SLC49A3: variants seen among roughly 807,000 people sequenced by gnomAD.
SLC49A3 encodes solute carrier family 49 member A3.
Under a neutral mutation model 43.8 loss-of-function variants are expected in SLC49A3, and 50 were observed. The observed-to-expected ratio is 1.14, with a 90% CI of 0.91 to 1.45. The LOEUF is 1.45. Ranked by LOEUF, SLC49A3 falls within the 40% of genes most tolerant of loss-of-function variation. SLC49A3 has a pLI of 0.00. For synonymous variants in SLC49A3, 413 were observed against 352.0 expected (o/e 1.17, Z -1.94); for missense variants, 906 against 774.1 (o/e 1.17, Z -2.02).
At chr4:678,287 G>C, downstream of SLC49A3, 5 of 1,439,204 alleles carry the variant, frequency 3.5e-6, no homozygotes, top group Admixed American at 2.5e-5. Context: ...AGCAGGATGA[G>C]GGGGTTCCTG....
At chr4:689,488 C>T (rs1288675154), upstream of SLC49A3, 1 of 175,532 alleles carries the variant, frequency 5.7e-6, no homozygotes, top group African/African-American at 2.4e-5. Flanking sequence ...AAGCTCTGCA[C>T]TTCCTGAAGG....
rs758512330 is a variant in SLC49A3, at chr4:683,269, C to A, written c.1092G>T (p.Ala364=). ...CCCCCACGGGGAAGGAACACTCGAC[C>A]GCCAACTCCATGGCCACGGGGCCCA... ...FSVGPVAMEL[A]VECSFPVGEG... The change falls in exon 8 of 10, where the codon GCG becomes GCT. Residue 364 remains alanine (A), a synonymous_variant. Transcript: ENST00000322224. 2.5e-6 allele frequency: 4 copies of A among 1,612,786 alleles called. No individual in the cohort carries two copies. The South Asian group carries it at 3.3e-5, about 13-fold the overall frequency.
At position 685,364 on chromosome 4, in the gene SLC49A3, G is replaced by A. The variant is rs898175488; in HGVS notation, c.585+471C>T. ...GGGCACAGGAACAGAGACACGCACC[G>A]CACACACCACACACACTCAATACAC... On this transcript the variant is annotated intron_variant, in intron 4 of 9. Coordinates refer to ENST00000322224, the MANE Select transcript of SLC49A3 (RefSeq NM_032219.4). The surrounding 1 kb of genome is among the most constrained non-coding windows in gnomAD (Gnocchi z 4.3). Among the ~76,000 whole-genome samples the A allele has an allele frequency of 1.8e-4, 28 of 151,876 alleles. No individual in the cohort carries two copies. The highest frequency in any genetic ancestry group is 6.0e-4 in the African/African-American group (25 of 41,336).
In SLC49A3 at chr4:681,886, C is replaced by T. The variant is rs1739734319; in HGVS notation, c.*72G>A. On this transcript the variant is annotated 3_prime_UTR_variant, in exon 10 of 10. Coordinates refer to ENST00000322224, the MANE Select transcript of SLC49A3 (RefSeq NM_032219.4). Reference sequence around the variant, plus strand: ...CCCGCAAGGAGCCCTTTCGCCCCCGCCCGCAGGTGGACCAGATGTTCCAGT... The same window carrying T: ...CCCGCAAGGAGCCCTTTCGCCCCCGTCCGCAGGTGGACCAGATGTTCCAGT... 7.6e-7 allele frequency: 1 copy of T among 1,314,672 alleles called. No individual in the cohort carries two copies. 81.4% of individuals were successfully genotyped at this position (1,314,672 alleles called of 1,614,324 possible).
intron 1 of SLC49A3, among the ~76,000 whole-genome samples, chr4:688,654 G>A (rs1441353086): frequency 6.6e-6 from 1 of 152,192 alleles, no homozygotes; most frequent in East Asian, 1.9e-4. Context: ...CTGTCCTGGG[G>A]CTGGGAGGCG....
chr4:683,813 G>A lies in SLC49A3; in HGVS notation c.841-52C>T, dbSNP rs1340696850. On this transcript the variant is annotated intron_variant, in intron 6 of 9. Transcript: ENST00000322224. ...CCCCAAGAGGCCACCATTATCCTAGGTGCATGCCGTCAGGGCAGGGGGCTC... is the reference window on the plus strand; with the variant it reads ...CCCCAAGAGGCCACCATTATCCTAGATGCATGCCGTCAGGGCAGGGGGCTC... 8.5e-6 allele frequency: 13 copies of A among 1,522,586 alleles called. No individual in the cohort carries two copies. In the East Asian group the frequency reaches 2.5e-4, roughly 29 times the overall value. The allele number at this position is 1,522,586 out of a possible 1,614,324, so 94.3% of individuals were successfully genotyped here.
Position 686,156 on chromosome 4 carries a change from T to A in SLC49A3, c.441A>T (p.Pro147=), listed in dbSNP as rs1740974196. The part of the protein sequence containing the change: ...ALAQSLVIFS[P]AKLAALWFPE... ...GGAACCACAAGGCAGCCAGCTTGGC[T>A]GGAGAGAAGATGACCAGGCTCTGGG... The change falls in exon 3 of 10, where the codon CCA becomes CCT. Residue 147 remains proline (P), a synonymous_variant. Transcript: ENST00000322224. 6.2e-7 allele frequency: 1 copy of A among 1,613,178 alleles called. No individual in the cohort carries two copies. Among genetic ancestry groups the A allele is most frequent in the Admixed American group, 1.7e-5 (1 of 60,004 alleles).
chr4:683,181 G>A lies in SLC49A3; in HGVS notation c.1151+29C>T, dbSNP rs766082592. The A allele has an allele frequency of 7.4e-6, 12 of 1,612,426 alleles. No homozygotes were observed. In the African/African-American group the frequency reaches 9.3e-5, roughly 13 times the overall value. ...GGTGGAGCAAGGGGAGTATCTCTGG[G>A]GTTGCAGCAGGGGCAGATGGACACT... On this transcript the variant is annotated intron_variant, in intron 8 of 9. Transcript: ENST00000322224.
Position 682,393 on chromosome 4 carries a change from C to T in SLC49A3, c.1262-17G>A, listed in dbSNP as rs777086456. The T allele has an allele frequency of 7.5e-7, 1 of 1,327,962 alleles. No homozygotes were observed. The highest frequency in any genetic ancestry group is 9.7e-7 in the Non-Finnish European group (1 of 1,030,814). The allele number at this position is 1,327,962 out of a possible 1,614,324, so 82.3% of individuals were successfully genotyped here. On this transcript the variant is annotated splice_polypyrimidine_tract_variant and intron_variant, in intron 9 of 9. Transcript: ENST00000322224. The stretch of plus-strand genomic sequence containing the variant: ...GCAGAGACACTGGGGACACATAGCA[C>T]AGCTGTCCCCACAGCCAAGCCCAGG...
rs1469996708 is a variant in SLC49A3, at chr4:682,833, C to T, written c.1209G>A (p.Ser403=). ...GCTGGCAGGTGGACAAGGACGGCTC[C>T]GAGCGTCGCACAGTCAGTGCCGTCA... ...LAMTALTVRR[S]EPSLSTCQQG... is the part of the protein sequence containing the mutation. Residue 403 remains serine (S), a synonymous_variant, in exon 9 of 10, where the codon TCG becomes TCA. Coordinates refer to ENST00000322224, the MANE Select transcript of SLC49A3 (RefSeq NM_032219.4). 26 of 1,605,372 alleles carry T rather than the reference C, an allele frequency of 1.6e-5. No homozygotes were observed. Among genetic ancestry groups the T allele is most frequent in the South Asian group, 2.2e-5 (2 of 90,108 alleles).
At chr4:678,529 G>C (rs528153509), downstream of SLC49A3, 16 of 1,461,062 alleles carry the variant, frequency 1.1e-5, no homozygotes, top group South Asian at 1.4e-5. Flanking sequence ...CTCCTCAGCT[G>C]TCTGGCCCCC....
downstream of SLC49A3, chr4:677,005 G>A (rs1560151538): frequency 1.1e-6 from 1 of 870,702 alleles, no homozygotes; most frequent in Non-Finnish European, 1.4e-6. Context: ...ACATGCAAGT[G>A]GCACCTGTCT....
downstream of SLC49A3, chr4:678,578 T>A: frequency 6.5e-7 from 1 of 1,533,288 alleles, no homozygotes; most frequent in Non-Finnish European, 8.8e-7. Flanking sequence ...TCATCTGAGT[T>A]AAGTCTCTCA....
chr4:685,847 G>C lies in SLC49A3; in HGVS notation c.573C>G (p.Asp191Glu). 1 of 1,613,972 alleles carries C rather than the reference G, an allele frequency of 6.2e-7. No individual in the cohort carries two copies. The highest frequency in any genetic ancestry group is 1.1e-5 in the South Asian group (1 of 91,078). ...CATGACCCCTCACCATTAACGGAAT[G>C]TCCTCACCCTTCTTGACCAGCACAG... The part of the protein sequence containing the change: ...LSPVLVKKGE[D>E]IPLMLGVYTI... Residue 191 changes from aspartate to glutamate, a missense_variant, in exon 4 of 10, where the codon GAC (aspartate) becomes GAG (glutamate). Physicochemically the swap from Asp to Glu is conservative, Grantham distance 45 (BLOSUM62 2). Transcript: ENST00000322224. The surrounding 1 kb of genome is among the most constrained non-coding windows in gnomAD (Gnocchi z 4.3).
chr4:683,274 A>G lies in SLC49A3; in HGVS notation c.1087T>C (p.Leu363=), dbSNP rs1449586684. The G allele has an allele frequency of 1.3e-6, 2 of 1,566,054 alleles. No homozygotes were observed. The highest frequency in any genetic ancestry group is 2.3e-5 in the East Asian group (1 of 43,338). The change falls in exon 8 of 10, where the codon TTG becomes CTG. Residue 363 remains leucine, a synonymous_variant. Coordinates refer to ENST00000322224, the MANE Select transcript of SLC49A3 (RefSeq NM_032219.4). ...GFSVGPVAME[L]AVECSFPVGE... ...ACGGGGAAGGAACACTCGACCGCCA[A>G]CTCCATGGCCACGGGGCCCACCGAG...
chr4:688,829 A>T, intron 1 of SLC49A3, 164 bp downstream of exon 1: 2 of 1,189,344 alleles, frequency 1.7e-6, no homozygotes, highest in South Asian at 1.7e-5. Flanking sequence ...CACCTCCAGG[A>T]CAGACAGTGC....
At position 682,031 on chromosome 4, in the gene SLC49A3, C is replaced by T. The variant is rs919868704; in HGVS notation, c.1607G>A (p.Arg536Lys). Residue 536 changes from arginine (R) to lysine (K), a missense_variant, in exon 10 of 10, where the codon AGG becomes AAG. Arg to Lys is a conservative substitution (Grantham distance 26). Transcript: ENST00000322224. The stretch of plus-strand genomic sequence containing the variant: ...GTCAATAAACCTGGACGCTTGGACC[C>T]TGCCTGCGAGTCTGCCGGGGCGGGA... ...APSRPGRLAG[R>K]VQASRFIDPA... 2.1e-6 allele frequency: 3 copies of T among 1,431,256 alleles called. No individual in the cohort carries two copies. Among genetic ancestry groups the T allele is most frequent in the Non-Finnish European group, 2.8e-6 (3 of 1,079,466 alleles). 88.7% of individuals were successfully genotyped at this position (1,431,256 alleles called of 1,614,324 possible).
downstream of SLC49A3, chr4:681,782 C>T (rs1325992888): frequency 2.4e-6 from 3 of 1,228,900 alleles, no homozygotes; most frequent in South Asian, 8.3e-5. Context: ...CACCCGGGCC[C>T]CTCCCCGCTC....
chr4:678,778 T>C (rs1389287868), downstream of SLC49A3: 4 of 1,608,202 alleles, frequency 2.5e-6, no homozygotes, highest in Middle Eastern at 1.6e-4. Flanking sequence ...GAGACTTTCC[T>C]GCTTCACTGG....
Sources: gnomAD v4.1 joint callset for allele counts (sites outside exome capture counted in the v4.1 genomes callset) on GRCh38, gnomAD v4.1.1 for gene constraint, Gnocchi (gnomAD v3.1) non-coding constraint, MANE v1.5 for transcripts, NCBI Gene and HGNC (gene_info 2026-07-23, HGNC 2026-07-21) for gene names.